Variants in RHD observed in about 807,000 individuals in gnomAD.
RHD encodes the protein Rh blood group D antigen.
RHD carries 16 observed loss-of-function variants against 45.5 expected under a neutral mutation model. The ratio of observed to expected loss-of-function variants is 0.35; its 90% confidence interval spans 0.24 to 0.53. The LOEUF is 0.53. RHD is among the 20% of genes least tolerant of loss of function. RHD has a pLI of 0.92. For synonymous variants in RHD, 131 were observed against 217.5 expected, an observed-to-expected ratio of 0.60 and a Z score of 3.50; for missense variants, 306 against 532.0, an observed-to-expected ratio of 0.58 and a Z score of 4.18.
At position 25,329,216 on chromosome 1, in the gene RHD, G is replaced by C. The variant is rs1281251467; in HGVS notation, c.*292G>C. 2.2e-5 allele frequency: 10 copies of C among 446,582 alleles called. No homozygotes were observed. Among genetic ancestry groups the C allele is most frequent in the African/African-American group, 2.0e-4 (9 of 45,232 alleles). 27.7% of individuals were successfully genotyped at this position (446,582 alleles called of 1,614,324 possible). A position where few individuals can be genotyped will look rare whatever the true frequency, so the allele number is the denominator to read the frequency against. ...GATGGTGGTCATCCAGTAAGCTAAG[G>C]TTAATTTATTATTATTCCTTGTTTT... On this transcript the variant is annotated 3_prime_UTR_variant, in exon 10 of 10. Transcript: ENST00000328664.
Position 25,301,501 on chromosome 1 carries a change from C to T in RHD, c.635-19C>T, listed in dbSNP as rs549952143. Reference sequence around the variant, plus strand: ...GAGCAGGAGTGTGATTCTGGCCAACCACCCTCTCTGGCCCCCAGGCGCCCT... The same window carrying T: ...GAGCAGGAGTGTGATTCTGGCCAACTACCCTCTCTGGCCCCCAGGCGCCCT... On this transcript the variant is annotated intron_variant, in intron 4 of 9. Coordinates refer to ENST00000328664, the MANE Select transcript of RHD (RefSeq NM_016124.6). 32 of 1,377,014 alleles carry T rather than the reference C, an allele frequency of 2.3e-5. 8 individuals are homozygous for T. The highest frequency in any genetic ancestry group is 3.0e-5 in the Non-Finnish European group (29 of 977,876). The allele number at this position is 1,377,014 out of a possible 1,614,324, so 85.3% of individuals were successfully genotyped here. A position where few individuals can be genotyped will look rare whatever the true frequency, so the allele number is the denominator to read the frequency against.
At position 25,310,833 on chromosome 1, in the gene RHD, CGTGG is replaced by C. The variant is rs1557553982; in HGVS notation, c.1073+4105_1073+4108del. 1.4e-4 allele frequency among the ~76,000 whole-genome samples: 18 copies of C among 131,652 alleles called. 1 individual carries two copies. The highest frequency in any genetic ancestry group is 7.9e-4 in the East Asian group (4 of 5,084). 86.4% of individuals were successfully genotyped at this position (131,652 alleles called of 152,430 possible). A position where few individuals can be genotyped will look rare whatever the true frequency, so the allele number is the denominator to read the frequency against. On this transcript the variant is annotated intron_variant, in intron 7 of 9. Coordinates refer to ENST00000328664, the MANE Select transcript of RHD (RefSeq NM_016124.6). ...CCAAAAATACAAAAAATTAGCTGGG[CGTGG>C]TGGCGCACACCTGTAATCTCAGCTA...
At chr1:25,315,509 T>G (rs1306808907) in intron 7 of RHD, among the ~76,000 whole-genome samples, 2 of 123,854 alleles carry the variant, frequency 1.6e-5, no homozygotes, top group Non-Finnish European at 3.8e-5. Flanking sequence ...TTCTTTTTTT[T>G]TTTTTGAGAT....
In RHD at chr1:25,275,403, C is replaced by G. The variant is rs1640876323; in HGVS notation, c.148+2708C>G. On this transcript the variant is annotated intron_variant, in intron 1 of 9. Transcript: ENST00000328664. The stretch of plus-strand genomic sequence containing the variant: ...GTCCGAATAGTAAACAGCAGCGAGA[C>G]AAGTTTGGGTTTGGGTCATGGAGGA... 1.5e-5 allele frequency among the ~76,000 whole-genome samples: 2 copies of G among 132,106 alleles called. 1 individual carries two copies. Among genetic ancestry groups the G allele is most frequent in the South Asian group, 4.7e-4 (2 of 4,256 alleles). The allele number at this position is 132,106 out of a possible 152,430, so 86.7% of individuals were successfully genotyped here.
chr1:25,286,037 G>T (rs1641957688), intron 2 of RHD, among the ~76,000 whole-genome samples: 1 of 135,310 alleles, frequency 7.4e-6, no homozygotes, highest in Non-Finnish European at 1.8e-5. Context: ...GAGAGGGCAA[G>T]GCACTTGCCT....
Position 25,274,926 on chromosome 1 carries a change from C to T in RHD, c.148+2231C>T, listed in dbSNP as rs184827725. 4.2e-4 allele frequency among the ~76,000 whole-genome samples: 55 copies of T among 130,804 alleles called. 9 individuals are homozygous for T. The highest frequency in any genetic ancestry group is 1.1e-3 in the African/African-American group (41 of 38,460). The allele number at this position is 130,804 out of a possible 152,430, so 85.8% of individuals were successfully genotyped here. The stretch of plus-strand genomic sequence containing the variant: ...GGAGGCCATTACACTCCAGCCTGGG[C>T]GCCAGAGTGAGACTTCATCTCAAAA... On this transcript the variant is annotated intron_variant, in intron 1 of 9. Coordinates refer to ENST00000328664, the MANE Select transcript of RHD (RefSeq NM_016124.6).
In RHD at chr1:25,316,182, C is replaced by G. The variant is rs565628923; in HGVS notation, c.1074-818C>G. Among the ~76,000 whole-genome samples the G allele has an allele frequency of 3.0e-4, 39 of 131,194 alleles. 6 individuals carry two copies. The highest frequency in any genetic ancestry group is 1.0e-3 in the African/African-American group (38 of 38,164). 86.1% of individuals were successfully genotyped at this position (131,194 alleles called of 152,430 possible). On this transcript the variant is annotated intron_variant, in intron 7 of 9. Coordinates refer to ENST00000328664, the MANE Select transcript of RHD (RefSeq NM_016124.6). ...ATAGCTTAATGTTTGAATTGAACCC[C>G]TGGGGTTGCCTTGAAGGAGAGAGGT...
chr1:25,308,246 C>T lies in RHD; in HGVS notation c.1073+1517C>T, dbSNP rs563820995. ...ATTCTGCTTGTGGGCTGCCTAGATTCCCAATTCTGTGATTCTGTGGTTCTC... is the reference window on the plus strand; with the variant it reads ...ATTCTGCTTGTGGGCTGCCTAGATTTCCAATTCTGTGATTCTGTGGTTCTC... On this transcript the variant is annotated intron_variant, in intron 7 of 9. Coordinates refer to ENST00000328664, the MANE Select transcript of RHD (RefSeq NM_016124.6). 6.6e-4 allele frequency among the ~76,000 whole-genome samples: 75 copies of T among 114,324 alleles called. 18 individuals carry two copies. The highest frequency in any genetic ancestry group is 8.6e-3 in the Middle Eastern group (2 of 232). The allele number at this position is 114,324 out of a possible 152,430, so 75.0% of individuals were successfully genotyped here. A position where few individuals can be genotyped will look rare whatever the true frequency, so the allele number is the denominator to read the frequency against.
rs1235124412 is a variant in RHD at position 25,274,884 on chromosome 1, A to G, written c.148+2189A>G. Among the ~76,000 whole-genome samples the G allele has an allele frequency of 6.9e-5, 9 of 130,074 alleles. 2 individuals carry two copies. The highest frequency in any genetic ancestry group is 1.6e-4 in the African/African-American group (6 of 38,310). 85.3% of individuals were successfully genotyped at this position (130,074 alleles called of 152,430 possible). On this transcript the variant is annotated intron_variant, in intron 1 of 9. Coordinates refer to ENST00000328664, the MANE Select transcript of RHD (RefSeq NM_016124.6). Reference sequence around the variant, plus strand: ...TGGCTGGGTGTGGTGGCACACGTCTATAATCCGAGCTACTTGGGAGGCCAT... The same window carrying G: ...TGGCTGGGTGTGGTGGCACACGTCTGTAATCCGAGCTACTTGGGAGGCCAT...
At chr1:25,322,480 C>G (rs560493257) in intron 9 of RHD, among the ~76,000 whole-genome samples, 2 of 132,574 alleles carry the variant, frequency 1.5e-5, no homozygotes, top group Non-Finnish European at 3.6e-5. Flanking sequence ...CGAGACCAGC[C>G]TGGCCAACGT....
Position 25,319,549 on chromosome 1 carries a change from C to T in RHD, c.1154-2340C>T, listed in dbSNP as rs1456097538. Among the ~76,000 whole-genome samples the T allele has an allele frequency of 3.8e-5, 5 of 132,014 alleles. 1 individual carries two copies. The highest frequency in any genetic ancestry group is 9.0e-5 in the Non-Finnish European group (5 of 55,718). 86.6% of individuals were successfully genotyped at this position (132,014 alleles called of 152,430 possible). On this transcript the variant is annotated intron_variant, in intron 8 of 9. Transcript: ENST00000328664. ...AGTTGAGCTTGGGAGGCAGAAGTTG[C>T]AGTGAGCTGAGATCATGCCACTGCA...
chr1:25,280,825 G>A (rs2904832), intron 1 of RHD, among the ~76,000 whole-genome samples: 35,389 of 129,864 alleles, frequency 0.27, 10,390 homozygotes, highest in African/African-American at 0.47. Flanking sequence ...TGCCTAGGCT[G>A]GTCTTGAACT....
rs376092811 is a variant in RHD, at chr1:25,307,441, C to T, written c.1073+712C>T. Among the ~76,000 whole-genome samples, 583 of 132,400 alleles carry T rather than the reference C, an allele frequency of 4.4e-3. 88 individuals are homozygous for T. Among genetic ancestry groups the T allele is most frequent in the Admixed American group, 0.036 (486 of 13,666 alleles). The allele number at this position is 132,400 out of a possible 152,430, so 86.9% of individuals were successfully genotyped here. On this transcript the variant is annotated intron_variant, in intron 7 of 9. Coordinates refer to ENST00000328664, the MANE Select transcript of RHD (RefSeq NM_016124.6). ...ATGAAAAAGTGAATTGGGCACGATA[C>T]AGGGATAGATTTTTAGAGATGAACT...
chr1:25,308,036 GAA>G (rs67959545), intron 7 of RHD, among the ~76,000 whole-genome samples: 78,766 of 111,880 alleles, frequency 0.7, 31,879 homozygotes, highest in South Asian at 0.89. Flanking sequence ...GGGGAAGTTA[GAA>G]AAAAAAAAAA....
At position 25,300,245 on chromosome 1, in the gene RHD, T is replaced by A. The variant is rs990838893; in HGVS notation, c.487-701T>A. 9.9e-5 allele frequency among the ~76,000 whole-genome samples: 13 copies of A among 130,842 alleles called. 2 individuals are homozygous for A. The highest frequency in any genetic ancestry group is 9.7e-4 in the Admixed American group (13 of 13,412). The allele number at this position is 130,842 out of a possible 152,430, so 85.8% of individuals were successfully genotyped here. ...ATATAAGAGCTACTGATAGGCCGGG[T>A]GTGGTGGCTCATGCCTGTAATCTCA... On this transcript the variant is annotated intron_variant, in intron 3 of 9. Coordinates refer to ENST00000328664, the MANE Select transcript of RHD (RefSeq NM_016124.6).
intron 8 of RHD, among the ~76,000 whole-genome samples, chr1:25,318,560 C>A (rs550970131): frequency 7.6e-6 from 1 of 131,404 alleles, no homozygotes; most frequent in East Asian, 2.0e-4. Context: ...TGCCCTCCAG[C>A]CTAGGTGACA....
rs190604714 is a variant in RHD, at chr1:25,330,422, A to G, written c.*1498A>G. Reference sequence around the variant, plus strand: ...TTTGTTTACATAATACTTGAAAAATAAAAATGAACAAGCTAACAAACTACC... The same window carrying G: ...TTTGTTTACATAATACTTGAAAAATGAAAATGAACAAGCTAACAAACTACC... On this transcript the variant is annotated 3_prime_UTR_variant, in exon 10 of 10. Coordinates refer to ENST00000328664, the MANE Select transcript of RHD (RefSeq NM_016124.6). 57 of 133,574 alleles carry G rather than the reference A, an allele frequency of 4.3e-4. 7 individuals carry two copies. Among genetic ancestry groups the G allele is most frequent in the African/African-American group, 1.4e-3 (56 of 39,174 alleles). The allele number at this position is 133,574 out of a possible 1,614,324, so 8.3% of individuals were successfully genotyped here.
intron 7 of RHD, among the ~76,000 whole-genome samples, chr1:25,315,221 T>A (rs1644377900): frequency 7.7e-6 from 1 of 130,412 alleles, no homozygotes; most frequent in Admixed American, 7.5e-5. Flanking sequence ...AATCACTTAT[T>A]ATTAGATCAA....
chr1:25,314,532 C>T lies in RHD; in HGVS notation c.1074-2468C>T, dbSNP rs1644333383. ...TTTTTGAAACAGAGTCTCCTTCTGT[C>T]ACCCAGGCTGGAATGCAGTGGCGCT... On this transcript the variant is annotated intron_variant, in intron 7 of 9. Transcript: ENST00000328664. 1.5e-5 allele frequency among the ~76,000 whole-genome samples: 2 copies of T among 132,594 alleles called. 1 individual carries two copies. Among genetic ancestry groups the T allele is most frequent in the African/African-American group, 5.1e-5 (2 of 38,922 alleles). The allele number at this position is 132,594 out of a possible 152,430, so 87.0% of individuals were successfully genotyped here.
Sources: allele counts gnomAD v4.1 joint callset (sites outside exome capture counted in the v4.1 genomes callset), GRCh38; gene constraint gnomAD v4.1.1; transcripts MANE v1.5; gene names NCBI Gene and HGNC (gene_info 2026-07-23, HGNC 2026-07-21).